USP12: variants seen among roughly 807,000 people sequenced by gnomAD.
USP12 encodes ubiquitin carboxyl-terminal hydrolase 12.
Under a neutral mutation model 45.5 loss-of-function variants are expected in USP12, and 19 were observed. That is an observed-to-expected ratio of 0.42 (90% CI 0.29 to 0.61). USP12 has a LOEUF of 0.61. Among genes scored for constraint, USP12 ranks in the 20% least tolerant of loss-of-function variants. The probability of loss-of-function intolerance (pLI) is 0.22; values close to 1 mark genes in which losing one functional copy is unlikely to be tolerated. For synonymous variants in USP12, 149 were observed against 148.8 expected, an observed-to-expected ratio of 1.00 and a Z score of -0.01; for missense variants, 242 against 447.7, an observed-to-expected ratio of 0.54 and a Z score of 4.15.
intron 3 of USP12, 41 bp downstream of exon 3, chr13:27,105,690 C>A: frequency 6.4e-7 from 1 of 1,569,262 alleles, no homozygotes; most frequent in South Asian, 1.1e-5. Flanking sequence ...CTATATTTAA[C>A]CTTCCTAGTA....
chr13:27,122,437 G>A (rs1361812748), intron 1 of USP12, among the ~76,000 whole-genome samples: 1 of 151,844 alleles, frequency 6.6e-6, no homozygotes, highest in Non-Finnish European at 1.5e-5. Context: ...CACGGTCTTG[G>A]GTACATCTTT....
chr13:27,091,656 G>A (rs1874319703), intron 4 of USP12, among the ~76,000 whole-genome samples: 1 of 151,796 alleles, frequency 6.6e-6, no homozygotes, highest in African/African-American at 2.4e-5. Flanking sequence ...AGACTCATCA[G>A]CACATGTGAT....
chr13:27,152,420 A>G (rs1002978565), intron 1 of USP12, among the ~76,000 whole-genome samples: 2 of 152,222 alleles, frequency 1.3e-5, no homozygotes, highest in Non-Finnish European at 2.9e-5. Context: ...TCCAAAGCAG[A>G]TAATTATATA....
intron 1 of USP12, among the ~76,000 whole-genome samples, chr13:27,138,411 T>C (rs1182583438): frequency 6.6e-6 from 1 of 152,198 alleles, no homozygotes; most frequent in East Asian, 1.9e-4. Context: ...ACAGAAGCAA[T>C]GTCTTGGGCA....
intron 1 of USP12, among the ~76,000 whole-genome samples, chr13:27,125,190 G>A (rs1172641777): frequency 6.6e-6 from 1 of 151,732 alleles, no homozygotes; most frequent in African/African-American, 2.4e-5. Context: ...GTATGTATTG[G>A]GTTTCATATT....
chr13:27,116,755 G>GT (rs1875763267), intron 1 of USP12, among the ~76,000 whole-genome samples, 159 bp from the exon 2 acceptor site: 1 of 152,118 alleles, frequency 6.6e-6, no homozygotes, highest in Admixed American at 6.6e-5. Context: ...ATTTTTAGCT[G>GT]TACCTTTCTT....
intron 1 of USP12, among the ~76,000 whole-genome samples, chr13:27,124,896 G>C (rs1198287441): frequency 6.6e-6 from 1 of 152,198 alleles, no homozygotes; most frequent in African/African-American, 2.4e-5. Context: ...GAATATTTAT[G>C]ACAAAACACA....
chr13:27,162,505 C>T (rs559038954), intron 1 of USP12, among the ~76,000 whole-genome samples: 2 of 152,258 alleles, frequency 1.3e-5, no homozygotes, highest in Admixed American at 1.3e-4. Context: ...GCTAATACTA[C>T]CTAACCTTTC....
intron 2 of USP12, among the ~76,000 whole-genome samples, chr13:27,111,291 C>A (rs1341436995): frequency 2.0e-5 from 3 of 152,120 alleles, no homozygotes; most frequent in African/African-American, 7.2e-5. Flanking sequence ...CATTCAAGGT[C>A]CTAAGACCTA....
chr13:27,067,350 T>C lies in USP12; in HGVS notation c.*1933A>G, dbSNP rs1386130510. 3 of 152,134 alleles carry C rather than the reference T, an allele frequency of 2.0e-5. No homozygotes were observed. The highest frequency in any genetic ancestry group is 4.4e-5 in the Non-Finnish European group (3 of 68,016). 9.4% of individuals were successfully genotyped at this position (152,134 alleles called of 1,614,324 possible). A position where few individuals can be genotyped will look rare whatever the true frequency, so the allele number is the denominator to read the frequency against. Reference sequence around the variant, plus strand: ...AAGCCTTCAAAATAAAAAGAGTGCATCCACTTCCACTGCCCTGACTTTCCC... The same window carrying C: ...AAGCCTTCAAAATAAAAAGAGTGCACCCACTTCCACTGCCCTGACTTTCCC... On this transcript the variant is annotated 3_prime_UTR_variant, in exon 9 of 9. Coordinates refer to ENST00000282344, the MANE Select transcript of USP12 (RefSeq NM_182488.4).
At chr13:27,074,324 C>T (rs1032534200) in intron 7 of USP12, among the ~76,000 whole-genome samples, 20 of 151,840 alleles carry the variant, frequency 1.3e-4, no homozygotes, top group African/African-American at 4.4e-4. Flanking sequence ...GGCGTGAACC[C>T]GGGAGGCGGA....
chr13:27,077,217 A>G (rs1873530210), intron 6 of USP12: 1 of 152,240 alleles, frequency 6.6e-6, no homozygotes, highest in Non-Finnish European at 1.5e-5. Flanking sequence ...ACTATGAAAC[A>G]TCAGACCTTT....
chr13:27,108,205 A>T (rs1361260921), intron 2 of USP12, among the ~76,000 whole-genome samples: 1 of 152,014 alleles, frequency 6.6e-6, no homozygotes, highest in Non-Finnish European at 1.5e-5. Context: ...ATGCAGCCAT[A>T]AAAAATGATG....
intron 1 of USP12, among the ~76,000 whole-genome samples, chr13:27,137,249 G>A (rs561934774): frequency 1.3e-5 from 2 of 152,182 alleles, no homozygotes; most frequent in African/African-American, 2.4e-5. Flanking sequence ...AATAATTCTA[G>A]GTGTCATTAA....
intron 1 of USP12, among the ~76,000 whole-genome samples, chr13:27,160,134 T>G (rs1878038072): frequency 6.6e-6 from 1 of 152,072 alleles, no homozygotes; most frequent in South Asian, 2.1e-4. Flanking sequence ...AAAAACTCAA[T>G]AAAGAAAGAA....
At chr13:27,116,083 T>G (rs1450626438) in intron 2 of USP12, among the ~76,000 whole-genome samples, 1 of 151,906 alleles carries the variant, frequency 6.6e-6, no homozygotes, top group Admixed American at 6.6e-5. Context: ...GAGGCTGAGG[T>G]TGGCGGATCA....
chr13:27,070,984 CAT>C, intron 8 of USP12, 85 bp downstream of exon 8: 1 of 1,082,850 alleles, frequency 9.2e-7, no homozygotes, highest in Non-Finnish European at 1.4e-6. Flanking sequence ...CATCACCAGT[CAT>C]ATATAAATGA....
intron 1 of USP12, among the ~76,000 whole-genome samples, chr13:27,161,125 C>T (rs1878089043): frequency 6.6e-6 from 1 of 152,180 alleles, no homozygotes; most frequent in Admixed American, 6.5e-5. Context: ...CTACTACCCC[C>T]AAGGTACCAC....
At chr13:27,157,954 A>G (rs1877914983) in intron 1 of USP12, among the ~76,000 whole-genome samples, 1 of 152,250 alleles carries the variant, frequency 6.6e-6, no homozygotes, top group Non-Finnish European at 1.5e-5. Context: ...TCTAGGGTCT[A>G]GCACATAACC....
Sources: allele counts gnomAD v4.1 joint callset (sites outside exome capture counted in the v4.1 genomes callset), GRCh38; gene constraint gnomAD v4.1.1; transcripts MANE v1.5; gene names NCBI Gene and HGNC (gene_info 2026-07-23, HGNC 2026-07-21).